Variants in SUGCT observed in about 807,000 individuals in gnomAD.
SUGCT encodes succinyl-CoA:glutarate CoA-transferase.
Under a neutral mutation model 55.0 loss-of-function variants are expected in SUGCT, and 41 were observed. The observed-to-expected ratio is 0.74, with a 90% CI of 0.58 to 0.97. The LOEUF is 0.97. SUGCT is among the 50% of genes least tolerant of loss of function. The pLI, the probability that SUGCT is intolerant of heterozygous loss-of-function variation, is 0.00. For missense variants in SUGCT, 568 were observed against 547.8 expected, an observed-to-expected ratio of 1.04 and a Z score of -0.37; for synonymous variants, 187 against 200.4, an observed-to-expected ratio of 0.93 and a Z score of 0.56.
chr7:40,166,564 G>A lies in SUGCT; in HGVS notation c.101-14383G>A, dbSNP rs541904052. ...AAACCCCAACAAGAAACCTTTATAC[G>A]CCCATTCAAACAGCTAACATTAAAA... is the stretch of plus-strand genomic sequence containing the variant. On this transcript the variant is annotated intron_variant, in intron 1 of 13. Transcript: ENST00000335693. Among the ~76,000 whole-genome samples, 5 of 152,080 alleles carry A rather than the reference G, an allele frequency of 3.3e-5. 1 individual carries two copies. Among genetic ancestry groups the A allele is most frequent in the East Asian group, 1.9e-4 (1 of 5,176 alleles).
chr7:40,563,714 A>C (rs147866629), intron 12 of SUGCT, among the ~76,000 whole-genome samples: 12 of 151,376 alleles, frequency 7.9e-5, no homozygotes, highest in African/African-American at 2.7e-4. Context: ...ACTGTCTCTA[A>C]TGATAATAAT....
At chr7:40,192,974 T>G (rs1480686939) in intron 5 of SUGCT, among the ~76,000 whole-genome samples, 7 of 148,930 alleles carry the variant, frequency 4.7e-5, no homozygotes, top group African/African-American at 7.4e-5. Context: ...GTAGTGTTTT[T>G]TTTTTTTTTT....
At chr7:40,556,059 A>G (rs1795547194) in intron 12 of SUGCT, among the ~76,000 whole-genome samples, 3 of 152,076 alleles carry the variant, frequency 2.0e-5, no homozygotes, top group African/African-American at 7.2e-5. Flanking sequence ...GGTCTCATTC[A>G]TCTTGCTTCT....
chr7:40,184,098 C>T (rs1785364678), intron 3 of SUGCT, among the ~76,000 whole-genome samples: 1 of 152,064 alleles, frequency 6.6e-6, no homozygotes. Context: ...TCTCTTGAAC[C>T]TGGGAGGCGG....
intron 9 of SUGCT, among the ~76,000 whole-genome samples, chr7:40,404,306 A>G (rs1786241260): frequency 6.6e-6 from 1 of 152,184 alleles, no homozygotes; most frequent in Admixed American, 6.5e-5. Flanking sequence ...AAGATGGAAG[A>G]TGATATTGGT....
chr7:40,345,286 C>G (rs938438078), intron 9 of SUGCT, among the ~76,000 whole-genome samples: 2 of 152,176 alleles, frequency 1.3e-5, no homozygotes, highest in Non-Finnish European at 2.9e-5. Context: ...AGTCCCTTTC[C>G]TCCCCTACGG....
intron 13 of SUGCT, among the ~76,000 whole-genome samples, chr7:40,788,635 G>T (rs1408096972): frequency 1.3e-5 from 2 of 152,206 alleles, no homozygotes; most frequent in African/African-American, 4.8e-5. Flanking sequence ...CTCTGTGTGG[G>T]TTGGGGTCTG....
chr7:40,428,179 A>C (rs1185081510), intron 9 of SUGCT, among the ~76,000 whole-genome samples: 1 of 152,150 alleles, frequency 6.6e-6, no homozygotes, highest in Admixed American at 6.6e-5. Flanking sequence ...TGCCTGATGT[A>C]ATTATGGCTA....
chr7:40,580,343 T>C (rs1305612124), intron 12 of SUGCT, among the ~76,000 whole-genome samples: 2 of 152,230 alleles, frequency 1.3e-5, no homozygotes, highest in East Asian at 3.8e-4. Context: ...TCTATAATAC[T>C]TAGAAAATAT....
At chr7:40,621,501 G>A (rs1264244964) in intron 12 of SUGCT, among the ~76,000 whole-genome samples, 2 of 152,154 alleles carry the variant, frequency 1.3e-5, no homozygotes, top group Admixed American at 6.5e-5. Context: ...TAAATCTCTG[G>A]GGCCTTTGGC....
chr7:40,941,062 T>C, the SUGCT span, among the ~76,000 whole-genome samples: 8 of 152,164 alleles, frequency 5.3e-5, no homozygotes, highest in African/African-American at 1.9e-4. Flanking sequence ...GCTTATTTTG[T>C]TGAGGGTTTT....
At chr7:40,441,246 T>G (rs145165332) in intron 9 of SUGCT, among the ~76,000 whole-genome samples, 9 of 152,318 alleles carry the variant, frequency 5.9e-5, no homozygotes, top group Non-Finnish European at 1.2e-4. Context: ...ACTGAGGCTC[T>G]TAAATTATGT....
chr7:40,630,048 T>A (rs922737983), intron 12 of SUGCT, among the ~76,000 whole-genome samples: 6 of 152,202 alleles, frequency 3.9e-5, no homozygotes, highest in African/African-American at 1.4e-4. Context: ...TCTTGCTTCA[T>A]GATTTTAAAT....
the SUGCT span, among the ~76,000 whole-genome samples, chr7:41,012,310 A>AT: frequency 6.6e-6 from 1 of 152,126 alleles, no homozygotes; most frequent in African/African-American, 2.4e-5. Context: ...TCTTTGCAGC[A>AT]TTTAACCTCT....
intron 1 of SUGCT, among the ~76,000 whole-genome samples, chr7:40,141,377 G>A (rs1253707889): frequency 6.6e-6 from 1 of 151,974 alleles, no homozygotes; most frequent in Non-Finnish European, 1.5e-5. Flanking sequence ...GCTCATGGTT[G>A]TACTCCCAGC....
At chr7:40,884,452 C>T in the SUGCT span, among the ~76,000 whole-genome samples, 1 of 152,194 alleles carries the variant, frequency 6.6e-6, no homozygotes, top group African/African-American at 2.4e-5. Flanking sequence ...TCCCTGAACT[C>T]AGTGGGGTGC....
intron 9 of SUGCT, among the ~76,000 whole-genome samples, chr7:40,322,973 T>TAAAATAAAATAAAATA (rs112365894): frequency 1.4e-5 from 2 of 146,582 alleles, no homozygotes; most frequent in African/African-American, 5.1e-5. Context: ...TCAAATAAAA[T>TAAAATAAAATAAAATA]AAATAAAATA....
At chr7:40,862,139 T>C (rs1794499462), downstream of SUGCT, among the ~76,000 whole-genome samples, 1 of 152,238 alleles carries the variant, frequency 6.6e-6, no homozygotes, top group Non-Finnish European at 1.5e-5. Flanking sequence ...AATATCTGGC[T>C]AAACATACGT....
intron 8 of SUGCT, among the ~76,000 whole-genome samples, chr7:40,277,677 G>GTTA (rs55772430): frequency 0.019 from 2,812 of 144,816 alleles, 58 homozygotes; most frequent in African/African-American, 0.055. Flanking sequence ...TGTTCTTTTT[G>GTTA]TTATTATTAT....
Sources: allele counts gnomAD v4.1 joint callset (sites outside exome capture counted in the v4.1 genomes callset), GRCh38; gene constraint gnomAD v4.1.1; transcripts MANE v1.5; gene names NCBI Gene and HGNC (gene_info 2026-07-23, HGNC 2026-07-21).